Variants in SAMD4A observed in about 807,000 individuals in gnomAD.
SAMD4A encodes the protein sterile alpha motif domain containing 4A, also known as protein Smaug homolog 1.
Under a neutral mutation model 81.3 loss-of-function variants are expected in SAMD4A, and 33 were observed. The ratio of observed to expected loss-of-function variants is 0.41; its 90% CI spans 0.31 to 0.54. The LOEUF (loss-of-function observed/expected upper bound fraction) is 0.54, where lower values mean the gene tolerates loss of function less well. Ranked by LOEUF, SAMD4A falls within the 20% of genes least tolerant of loss-of-function variation. The pLI is 0.37. For missense variants in SAMD4A, 854 were observed against 951.1 expected, an observed-to-expected ratio of 0.90 and a Z score of 1.34; for synonymous variants, 389 against 382.1, an observed-to-expected ratio of 1.02 and a Z score of -0.21.
At chr14:54,784,041 A>T (rs895031667) in intron 11 of SAMD4A, among the ~76,000 whole-genome samples, 2 of 152,222 alleles carry the variant, frequency 1.3e-5, no homozygotes, top group Non-Finnish European at 2.9e-5. Flanking sequence ...CATACAAGGA[A>T]CAAAGTCCTT....
At chr14:54,602,943 C>T (rs995503008) in intron 2 of SAMD4A, among the ~76,000 whole-genome samples, 1 of 152,242 alleles carries the variant, frequency 6.6e-6, no homozygotes, top group African/African-American at 2.4e-5. Context: ...TGCAGCTTCT[C>T]AGGTCACACT....
intron 3 of SAMD4A, chr14:54,703,613 A>G (rs950313884): frequency 6.6e-6 from 1 of 152,176 alleles, no homozygotes; most frequent in Non-Finnish European, 1.5e-5. Context: ...CAGGCCTGTG[A>G]TCCCACCACT....
Position 54,737,009 on chromosome 14 carries a change from T to A in SAMD4A, c.716-15T>A. 1 of 1,612,128 alleles carries A rather than the reference T, an allele frequency of 6.2e-7. No homozygotes were observed. Among genetic ancestry groups the A allele is most frequent in the Non-Finnish European group, 8.5e-7 (1 of 1,179,864 alleles). ...GGGGGGGGAATAACCTATTTCATTT[T>A]ATTTTTTTTTCCAGTTCTCTCAGGC... On this transcript the variant is annotated splice_polypyrimidine_tract_variant and intron_variant, in intron 3 of 12. Coordinates refer to ENST00000554335, the MANE Select transcript of SAMD4A (RefSeq NM_015589.6).
At position 54,784,514 on chromosome 14, in the gene SAMD4A, A is replaced by G. The variant is rs1372569126; in HGVS notation, c.2045-23A>G. ...CCTGCTTATCTCCTCCTTGTCACCA[A>G]CATAACCCTTTATCGCCTGCAGAAT... is the stretch of plus-strand genomic sequence containing the variant. On this transcript the variant is annotated intron_variant, in intron 11 of 12. Transcript: ENST00000554335. The G allele has an allele frequency of 5.6e-6, 9 of 1,613,864 alleles. No homozygotes were observed. In the South Asian group the frequency reaches 9.9e-5, roughly 18 times the overall value.
chr14:54,758,963 G>A (rs1371141532), intron 6 of SAMD4A, among the ~76,000 whole-genome samples: 1 of 152,146 alleles, frequency 6.6e-6, no homozygotes, highest in African/African-American at 2.4e-5. Flanking sequence ...CACCCCAGCC[G>A]CCATGCCAGG....
intron 3 of SAMD4A, among the ~76,000 whole-genome samples, chr14:54,714,756 T>G (rs2037078009): frequency 6.6e-6 from 1 of 152,162 alleles, no homozygotes; most frequent in Non-Finnish European, 1.5e-5. Context: ...CTGGTAATAG[T>G]AAGGGTGCTT....
At chr14:54,759,115 A>G (rs2038323124) in intron 6 of SAMD4A, among the ~76,000 whole-genome samples, 1 of 152,208 alleles carries the variant, frequency 6.6e-6, no homozygotes, top group African/African-American at 2.4e-5. Flanking sequence ...TATGTGCAGA[A>G]TGATCCAATT....
At chr14:54,641,254 C>G (rs951244128) in intron 2 of SAMD4A, among the ~76,000 whole-genome samples, 1 of 152,196 alleles carries the variant, frequency 6.6e-6, no homozygotes, top group Non-Finnish European at 1.5e-5. Flanking sequence ...ATGCCAGATA[C>G]ATAGTTATCA....
At chr14:54,748,717 C>A in intron 4 of SAMD4A, 98 bp from the exon 5 acceptor site, 1 of 778,092 alleles carries the variant, frequency 1.3e-6, no homozygotes, top group Non-Finnish European at 2.1e-6. Flanking sequence ...TTCCTTTGAC[C>A]ATCACCCTCT....
intron 9 of SAMD4A, among the ~76,000 whole-genome samples, chr14:54,770,617 T>C (rs2038678054): frequency 6.6e-6 from 1 of 151,324 alleles, no homozygotes; most frequent in Non-Finnish European, 1.5e-5. Context: ...GTGATTTTTT[T>C]CCCCCTTCGT....
intron 2 of SAMD4A, among the ~76,000 whole-genome samples, chr14:54,628,068 G>A (rs747079368): frequency 6.6e-6 from 1 of 151,854 alleles, no homozygotes; most frequent in South Asian, 2.1e-4. Context: ...TGGTGGTCTC[G>A]GGCCTTGAAA....
intron 2 of SAMD4A, chr14:54,682,064 A>G: frequency 9.1e-6 from 9 of 985,194 alleles, no homozygotes; most frequent in Non-Finnish European, 8.4e-6. Context: ...TGAGGTAGGT[A>G]TTTCATTAGT....
chr14:54,764,448 A>G lies in SAMD4A; in HGVS notation c.1511-7A>G. 1 of 1,583,840 alleles carries G rather than the reference A, an allele frequency of 6.3e-7. No homozygotes were observed. Among genetic ancestry groups the G allele is most frequent in the Non-Finnish European group, 8.6e-7 (1 of 1,162,914 alleles). ...TTTTCTAATTCATCTTTTCTTTTTA[A>G]TTACAGTGTGCACACAGCTCTTGGT... On this transcript the variant is annotated splice_region_variant and splice_polypyrimidine_tract_variant and intron_variant, in intron 7 of 12. Transcript: ENST00000554335.
At chr14:54,659,971 C>G (rs2035603058) in intron 2 of SAMD4A, among the ~76,000 whole-genome samples, 1 of 152,082 alleles carries the variant, frequency 6.6e-6, no homozygotes, top group African/African-American at 2.4e-5. Flanking sequence ...ATCCCAGCTA[C>G]TCAGGAGGCT....
At chr14:54,679,130 GT>G (rs1245222567) in intron 2 of SAMD4A, among the ~76,000 whole-genome samples, 1 of 152,150 alleles carries the variant, frequency 6.6e-6, no homozygotes, top group Non-Finnish European at 1.5e-5. Context: ...GATAAGCTGG[GT>G]TTTTTTCTAT....
chr14:54,775,159 G>A (rs2038810060), intron 10 of SAMD4A, 24 bp downstream of exon 10: 1 of 1,613,868 alleles, frequency 6.2e-7, no homozygotes, highest in Admixed American at 1.7e-5. Context: ...CAAGGAAGGA[G>A]GAGGATGGCC....
intron 2 of SAMD4A, among the ~76,000 whole-genome samples, chr14:54,624,222 C>G (rs2034691358): frequency 6.6e-6 from 1 of 151,824 alleles, no homozygotes; most frequent in South Asian, 2.1e-4. Flanking sequence ...ATCCACCCAC[C>G]TTGGCCTCCC....
At chr14:54,608,347 C>G (rs1385718100) in intron 2 of SAMD4A, among the ~76,000 whole-genome samples, 1 of 152,214 alleles carries the variant, frequency 6.6e-6, no homozygotes, top group East Asian at 1.9e-4. Context: ...TGCCTCCAGT[C>G]TCTGTCTCAG....
At chr14:54,635,923 G>A (rs1399360748) in intron 2 of SAMD4A, among the ~76,000 whole-genome samples, 1 of 152,196 alleles carries the variant, frequency 6.6e-6, no homozygotes, top group Non-Finnish European at 1.5e-5. Flanking sequence ...CACAGGTCTA[G>A]ACACTTGGGA....
Sources: allele counts gnomAD v4.1 joint callset (sites outside exome capture counted in the v4.1 genomes callset), GRCh38; gene constraint gnomAD v4.1.1; transcripts MANE v1.5; gene names NCBI Gene and HGNC (gene_info 2026-07-23, HGNC 2026-07-21).